The following RASGEF1A variants were observed in gnomAD, a reference collection of about 807,000 sequenced individuals.
RASGEF1A encodes ras-GEF domain-containing family member 1A.
RASGEF1A carries 18 observed loss-of-function variants against 56.4 expected under a neutral mutation model. The ratio of observed to expected loss-of-function variants is 0.32; its 90% confidence interval spans 0.22 to 0.47. The LOEUF (loss-of-function observed/expected upper bound fraction) is 0.47, where lower values mean the gene tolerates loss of function less well. RASGEF1A is among the 20% of genes least tolerant of loss of function. The pLI is 1.00. For missense variants in RASGEF1A, 422 were observed against 627.1 expected (o/e 0.67, Z 3.49); for synonymous variants, 245 against 242.6 (o/e 1.01, Z -0.09).
At chr10:43,202,074 G>A (rs560383945) in intron 3 of RASGEF1A, 129 bp from the exon 4 acceptor site, 29 of 1,027,444 alleles carry the variant, frequency 2.8e-5, no homozygotes, top group East Asian at 8.5e-5. Flanking sequence ...CCCCAACTGC[G>A]TGCCACCTGC....
At chr10:43,220,798 G>GT (rs1840197786) in intron 1 of RASGEF1A, among the ~76,000 whole-genome samples, 1 of 151,770 alleles carries the variant, frequency 6.6e-6, no homozygotes, top group African/African-American at 2.4e-5. Context: ...AAAAAAAAAG[G>GT]GGGGGGAGTA....
chr10:43,252,802 T>A (rs1249190506), intron 1 of RASGEF1A, among the ~76,000 whole-genome samples: 9 of 151,974 alleles, frequency 5.9e-5, no homozygotes, highest in Admixed American at 5.9e-4. Flanking sequence ...GCACACCCAG[T>A]GACTGGCTCG....
chr10:43,252,670 T>A (rs545983474), intron 1 of RASGEF1A, among the ~76,000 whole-genome samples: 1 of 152,220 alleles, frequency 6.6e-6, no homozygotes, highest in African/African-American at 2.4e-5. Context: ...CCCTCACATG[T>A]CCTAAGCTCA....
intron 1 of RASGEF1A, among the ~76,000 whole-genome samples, chr10:43,254,290 G>T (rs571646118): frequency 6.6e-6 from 1 of 152,356 alleles, no homozygotes; most frequent in Admixed American, 6.5e-5. Context: ...GCCATGGAGG[G>T]CTGCAAGGGG....
intron 1 of RASGEF1A, among the ~76,000 whole-genome samples, chr10:43,227,054 G>C (rs375737006): frequency 2.5e-4 from 38 of 152,358 alleles, no homozygotes; most frequent in African/African-American, 9.1e-4. Context: ...GTGATTCTGA[G>C]ATCAGCTTCC....
intron 1 of RASGEF1A, among the ~76,000 whole-genome samples, chr10:43,219,571 CCACCCGGGCA>C (rs1433027658): frequency 6.6e-6 from 1 of 152,204 alleles, no homozygotes; most frequent in African/African-American, 2.4e-5. Context: ...CTGCCCAGGC[CCACCCGGGCA>C]CACTGCCCAC....
chr10:43,259,315 T>G (rs1315454041), intron 1 of RASGEF1A, among the ~76,000 whole-genome samples: 1 of 152,112 alleles, frequency 6.6e-6, no homozygotes, highest in Non-Finnish European at 1.5e-5. Context: ...GTAGTAGCAG[T>G]GGCCCCTGGG....
At chr10:43,201,557 C>G (rs538861201) in intron 4 of RASGEF1A, among the ~76,000 whole-genome samples, 1 of 152,360 alleles carries the variant, frequency 6.6e-6, no homozygotes, top group East Asian at 1.9e-4. Flanking sequence ...AGGGTTGAGA[C>G]AATGATTGCC....
chr10:43,209,268 A>G, intron 1 of RASGEF1A: 1 of 951,854 alleles, frequency 1.1e-6, no homozygotes, highest in Non-Finnish European at 1.3e-6. Flanking sequence ...GTCACCCCCT[A>G]TGCTCCCAGA....
chr10:43,238,734 G>T (rs548779894), intron 1 of RASGEF1A, among the ~76,000 whole-genome samples: 1 of 152,304 alleles, frequency 6.6e-6, no homozygotes, highest in African/African-American at 2.4e-5. Flanking sequence ...GGTCAGGCTG[G>T]TAGGGCATGT....
chr10:43,197,295 C>T (rs991567967), intron 10 of RASGEF1A, among the ~76,000 whole-genome samples, 196 bp from the exon 11 acceptor site: 1 of 152,248 alleles, frequency 6.6e-6, no homozygotes, highest in Non-Finnish European at 1.5e-5. Context: ...AGGTGTCCCC[C>T]AAGGCCACTC....
At chr10:43,244,761 A>C (rs927724049) in intron 1 of RASGEF1A, among the ~76,000 whole-genome samples, 3 of 152,214 alleles carry the variant, frequency 2.0e-5, no homozygotes, top group Non-Finnish European at 4.4e-5. Context: ...ACTATGAAAT[A>C]AATGGACATG....
chr10:43,216,358 C>T (rs1840136801), intron 1 of RASGEF1A, among the ~76,000 whole-genome samples: 1 of 152,192 alleles, frequency 6.6e-6, no homozygotes, highest in Non-Finnish European at 1.5e-5. Flanking sequence ...CCAGGAGGCT[C>T]CCCCAGGATG....
At chr10:43,252,172 C>A (rs912008703) in intron 1 of RASGEF1A, among the ~76,000 whole-genome samples, 1 of 152,192 alleles carries the variant, frequency 6.6e-6, no homozygotes, top group Non-Finnish European at 1.5e-5. Flanking sequence ...AGAGGGCTGA[C>A]CCAGGCACTC....
intron 1 of RASGEF1A, among the ~76,000 whole-genome samples, chr10:43,246,054 A>C (rs1296439749): frequency 6.6e-6 from 1 of 152,142 alleles, no homozygotes; most frequent in Non-Finnish European, 1.5e-5. Flanking sequence ...TAGAACTAAT[A>C]AATAAATTCA....
At chr10:43,229,529 C>T in intron 1 of RASGEF1A, 2 of 927,934 alleles carry the variant, frequency 2.2e-6, no homozygotes, top group East Asian at 3.3e-5. Context: ...TCAGGGCGGG[C>T]ACCCTCCCGC....
intron 1 of RASGEF1A, among the ~76,000 whole-genome samples, chr10:43,248,863 T>G (rs1182783547): frequency 6.6e-6 from 1 of 151,504 alleles, no homozygotes; most frequent in African/African-American, 2.4e-5. Flanking sequence ...CTGGGCCTCA[T>G]GAAGCATAAA....
chr10:43,224,555 A>G (rs1024401492), intron 1 of RASGEF1A, among the ~76,000 whole-genome samples: 1 of 152,206 alleles, frequency 6.6e-6, no homozygotes, highest in African/African-American at 2.4e-5. Context: ...GAAACTGAAT[A>G]TCCATTCCTG....
chr10:43,252,446 C>T (rs1840637655), intron 1 of RASGEF1A, among the ~76,000 whole-genome samples: 1 of 152,108 alleles, frequency 6.6e-6, no homozygotes, highest in Middle Eastern at 3.4e-3. Context: ...GGCTGCGGGA[C>T]AGGCCGGGGC....
Sources: gnomAD v4.1 joint callset for allele counts (sites outside exome capture counted in the v4.1 genomes callset) on GRCh38, gnomAD v4.1.1 for gene constraint, MANE v1.5 for transcripts, NCBI Gene and HGNC (gene_info 2026-07-23, HGNC 2026-07-21) for gene names.